Variants in OPTN observed in about 807,000 individuals in gnomAD.
OPTN encodes the protein optineurin, also known as E3-14.7K-interacting protein.
In OPTN, 54 loss-of-function variants were observed where a neutral mutation model predicts 70.4. The observed-to-expected ratio is 0.77, with a 90% CI of 0.62 to 0.96. The LOEUF is 0.96. Ranked by LOEUF, OPTN falls within the 40% of genes least tolerant of loss-of-function variation. OPTN has a pLI of 0.00. For synonymous variants in OPTN, 256 were observed against 248.5 expected, an observed-to-expected ratio of 1.03 and a Z score of -0.28; for missense variants, 624 against 673.2, an observed-to-expected ratio of 0.93 and a Z score of 0.81.
intron 7 of OPTN, among the ~76,000 whole-genome samples, chr10:13,120,971 G>A (rs1416222108): frequency 6.6e-6 from 1 of 152,168 alleles, no homozygotes; most frequent in Non-Finnish European, 1.5e-5. Context: ...AACGCAGGAG[G>A]CACTACCACA....
intron 12 of OPTN, among the ~76,000 whole-genome samples, chr10:13,130,379 C>G (rs762534703): frequency 8.1e-6 from 1 of 123,262 alleles, no homozygotes; most frequent in South Asian, 2.7e-4. Context: ...GAGCCGAGAT[C>G]ATGCCACTGC....
At chr10:13,114,132 A>G (rs1297033697) in intron 5 of OPTN, among the ~76,000 whole-genome samples, 3 of 152,110 alleles carry the variant, frequency 2.0e-5, no homozygotes, top group Admixed American at 6.6e-5. Context: ...TACATTGTAG[A>G]TAAGTCAGGA....
chr10:13,118,384 C>T (rs1833265919), intron 6 of OPTN, among the ~76,000 whole-genome samples: 1 of 152,206 alleles, frequency 6.6e-6, no homozygotes, highest in African/African-American at 2.4e-5. Flanking sequence ...TCAACAGAGC[C>T]TCCATTTCTC....
intron 12 of OPTN, among the ~76,000 whole-genome samples, chr10:13,128,322 A>G (rs1354530232): frequency 6.6e-6 from 1 of 152,094 alleles, no homozygotes; most frequent in African/African-American, 2.4e-5. Context: ...GAGAGTTTCC[A>G]TGGCTCTACA....
At chr10:13,124,580 G>A (rs1453226196) in intron 9 of OPTN, among the ~76,000 whole-genome samples, 2 of 152,200 alleles carry the variant, frequency 1.3e-5, no homozygotes, top group Non-Finnish European at 2.9e-5. Context: ...TTCTCTTGAT[G>A]TAAGAAGTTA....
At chr10:13,112,361 A>G (rs1343178312) in intron 4 of OPTN, 92 bp from the exon 5 acceptor site, 2 of 1,241,514 alleles carry the variant, frequency 1.6e-6, no homozygotes, top group Admixed American at 1.9e-5. Context: ...CTCCCACTTC[A>G]GCCTCCCAGA....
chr10:13,113,920 C>T (rs962148285), intron 5 of OPTN, among the ~76,000 whole-genome samples: 2 of 151,924 alleles, frequency 1.3e-5, no homozygotes, highest in South Asian at 4.2e-4. Context: ...AAAAAGTTAG[C>T]TAGGCACATT....
At chr10:13,124,171 CTA>C (rs1161337063) in intron 9 of OPTN, 61 bp downstream of exon 9, 1 of 935,686 alleles carries the variant, frequency 1.1e-6, no homozygotes, top group African/African-American at 1.7e-5. Flanking sequence ...AAGTATACTA[CTA>C]TATAAAAACA....
intron 11 of OPTN, 37 bp downstream of exon 11, chr10:13,126,076 A>G (rs1214316060): frequency 1.6e-6 from 2 of 1,212,936 alleles, no homozygotes; most frequent in African/African-American, 3.0e-5. Flanking sequence ...TAGCCTAGTA[A>G]TGAACAGAAA....
chr10:13,110,971 C>A (rs1423056597), intron 4 of OPTN, among the ~76,000 whole-genome samples: 1 of 152,154 alleles, frequency 6.6e-6, no homozygotes, highest in African/African-American at 2.4e-5. Context: ...CGCATTGCCA[C>A]AGATGAAAAG....
In OPTN at chr10:13,132,170, A is replaced by G; in HGVS notation, c.1505A>G (p.Glu502Gly). The G allele has an allele frequency of 6.2e-7, 1 of 1,613,426 alleles. No homozygotes were observed. Residue 502 changes from glutamate to glycine, a missense_variant, in exon 13 of 15, where the codon GAG becomes GGG. Transcript: ENST00000378747. ...TTGCAGCTGGCAGTTCTGCTGAAAG[A>G]GAATGATGCTTTCGAAGACGGAGGC... ...LALQLAVLLKENDAFEDGGRQ... is the reference protein window; with the variant it reads ...LALQLAVLLKGNDAFEDGGRQ...
At chr10:13,104,423 T>G (rs1313488240) in intron 1 of OPTN, among the ~76,000 whole-genome samples, 1 of 42,324 alleles carries the variant, frequency 2.4e-5, no homozygotes, top group Non-Finnish European at 5.6e-5. Flanking sequence ...TACACCCAGC[T>G]ACTTTTTTTT....
chr10:13,135,167 C>T (rs1055184390), intron 14 of OPTN, among the ~76,000 whole-genome samples: 1 of 152,162 alleles, frequency 6.6e-6, no homozygotes, highest in East Asian at 1.9e-4. Context: ...AAACCAAAGT[C>T]TAGGCTGAGT....
chr10:13,111,740 A>C (rs1447132495), intron 4 of OPTN, among the ~76,000 whole-genome samples: 1 of 152,008 alleles, frequency 6.6e-6, no homozygotes, highest in Non-Finnish European at 1.5e-5. Context: ...TCTACATTAA[A>C]GCACAAGGCA....
At chr10:13,114,721 T>G (rs1833084158) in intron 5 of OPTN, among the ~76,000 whole-genome samples, 1 of 134,014 alleles carries the variant, frequency 7.5e-6, no homozygotes. Context: ...ATATATTCTA[T>G]AATATATAAT....
At chr10:13,112,152 C>G (rs1282451104) in intron 4 of OPTN, among the ~76,000 whole-genome samples, 1 of 122,852 alleles carries the variant, frequency 8.1e-6, no homozygotes, top group African/African-American at 3.1e-5. Flanking sequence ...CCTGGCTTGG[C>G]TTTTTTTTTT....
In OPTN at chr10:13,127,837, T is replaced by A. The variant is rs767214600; in HGVS notation, c.1335T>A (p.Asp445Glu). Residue 445 changes from aspartate (D) to glutamate (E), a missense_variant, in exon 12 of 15, where the codon GAT becomes GAA. Physicochemically the swap from Asp to Glu is conservative, Grantham distance 45. Coordinates refer to ENST00000378747, the MANE Select transcript of OPTN (RefSeq NM_001008212.2). Reference sequence around the variant, plus strand: ...TGGCTTCCAAACAGCTGCAAATGGATGAAATGAAGCAAACCATTGCCAAGC... The same window carrying A: ...TGGCTTCCAAACAGCTGCAAATGGAAGAAATGAAGCAAACCATTGCCAAGC... ...KALASKQLQM[D>E]EMKQTIAKQE... The A allele has an allele frequency of 1.9e-6, 3 of 1,614,030 alleles. No homozygotes were observed. In the East Asian group the frequency reaches 6.7e-5, roughly 36 times the overall value.
chr10:13,121,606 T>C (rs1833353928), intron 7 of OPTN, among the ~76,000 whole-genome samples: 1 of 151,750 alleles, frequency 6.6e-6, no homozygotes, highest in South Asian at 2.1e-4. Flanking sequence ...CCCACCTTTG[T>C]CATCACTTCA....
intron 7 of OPTN, among the ~76,000 whole-genome samples, chr10:13,119,331 T>A (rs1833290900): frequency 6.6e-6 from 1 of 152,232 alleles, no homozygotes; most frequent in Admixed American, 6.5e-5. Context: ...GTGACTGGCT[T>A]CTTTCACGTA....
Sources: gnomAD v4.1 joint callset for allele counts (sites outside exome capture counted in the v4.1 genomes callset) on GRCh38, gnomAD v4.1.1 for gene constraint, MANE v1.5 for transcripts, NCBI Gene and HGNC (gene_info 2026-07-23, HGNC 2026-07-21) for gene names.